TMEM254: variants seen among roughly 807,000 people sequenced by gnomAD.
TMEM254 encodes the protein transmembrane protein C10orf57.
A neutral mutation model predicts 13.9 loss-of-function variants in TMEM254; 16 were observed. That is an observed-to-expected ratio of 1.15 (90% confidence interval 0.78 to 1.75). The LOEUF is 1.75. TMEM254 is among the 40% of genes most tolerant of loss of function. The probability of loss-of-function intolerance (pLI) is 0.00; values close to 1 mark genes in which losing one functional copy is unlikely to be tolerated. For missense variants in TMEM254, 155 were observed against 149.0 expected (o/e 1.04, Z -0.21); for synonymous variants, 61 against 56.4 (o/e 1.08, Z -0.36).
chr10:80,081,652 A>G (rs1195690425), intron 1 of TMEM254, 189 bp from the exon 2 acceptor site: 2 of 1,540,914 alleles, frequency 1.3e-6, no homozygotes, highest in Admixed American at 2.0e-5. Context: ...CCAGCAGCGG[A>G]GTGAGACCCT....
At chr10:80,081,308 T>C (rs1348351453) in intron 1 of TMEM254, among the ~76,000 whole-genome samples, 1 of 151,918 alleles carries the variant, frequency 6.6e-6, no homozygotes. Context: ...TCATCCACCG[T>C]GGGCACTGAG....
intron 1 of TMEM254, chr10:80,079,602 G>A: frequency 2.0e-6 from 2 of 987,718 alleles, no homozygotes; most frequent in South Asian, 4.7e-5. Flanking sequence ...AGGTGTGGAA[G>A]CAAGAAGAAA....
At position 80,078,802 on chromosome 10, in the gene TMEM254, G is replaced by A; in HGVS notation, c.87+16G>A. 1 of 1,587,104 alleles carries A rather than the reference G, an allele frequency of 6.3e-7. No individual in the cohort carries two copies. The highest frequency in any genetic ancestry group is 2.3e-5 in the East Asian group (1 of 43,370). ...CTACTACACAGTAAGGACAGCCGCTGGAGCGCTACGGTCTGACGAACGAGC... is the reference window on the plus strand; with the variant it reads ...CTACTACACAGTAAGGACAGCCGCTAGAGCGCTACGGTCTGACGAACGAGC... On this transcript the variant is annotated intron_variant, in intron 1 of 3. Coordinates refer to ENST00000372281, the MANE Select transcript of TMEM254 (RefSeq NM_025125.4).
At chr10:80,080,930 A>G (rs571256310) in intron 1 of TMEM254, among the ~76,000 whole-genome samples, 17 of 152,288 alleles carry the variant, frequency 1.1e-4, no homozygotes, top group African/African-American at 3.6e-4. Flanking sequence ...AAATACAAAA[A>G]TTAGCTGGGC....
chr10:80,090,500 C>A, intron 3 of TMEM254: 1 of 712,086 alleles, frequency 1.4e-6, no homozygotes, highest in Non-Finnish European at 2.6e-6. Context: ...CATACCAGTG[C>A]TTTTTACTCC....
chr10:80,078,930 G>T (rs1414335469), intron 1 of TMEM254, 144 bp downstream of exon 1: 2 of 1,524,132 alleles, frequency 1.3e-6, no homozygotes, highest in African/African-American at 2.8e-5. Flanking sequence ...GAGGGGAGGG[G>T]ACCAGACTCC....
chr10:80,080,530 T>A (rs542411971), intron 1 of TMEM254, among the ~76,000 whole-genome samples: 1 of 152,240 alleles, frequency 6.6e-6, no homozygotes, highest in South Asian at 2.1e-4. Flanking sequence ...AAAGGAATTC[T>A]AAATTAAACA....
At position 80,091,406 on chromosome 10, in the gene TMEM254, A is replaced by C. The variant is rs986791771; in HGVS notation, c.*489A>C. On this transcript the variant is annotated 3_prime_UTR_variant, in exon 4 of 4. Coordinates refer to ENST00000372281, the MANE Select transcript of TMEM254 (RefSeq NM_025125.4). Reference sequence around the variant, plus strand: ...CACACACATTTATTAGGTACCTGTGAGGTAGGATCCTATCCTCTCAAACTT... The same window carrying C: ...CACACACATTTATTAGGTACCTGTGCGGTAGGATCCTATCCTCTCAAACTT... The C allele has an allele frequency of 6.6e-6, 1 of 152,476 alleles. No homozygotes were observed. Among genetic ancestry groups the C allele is most frequent in the Non-Finnish European group, 1.5e-5 (1 of 68,232 alleles). 9.4% of individuals were successfully genotyped at this position (152,476 alleles called of 1,614,324 possible). A position where few individuals can be genotyped will look rare whatever the true frequency, so the allele number is the denominator to read the frequency against.
intron 3 of TMEM254, among the ~76,000 whole-genome samples, chr10:80,087,337 G>A (rs1387358989): frequency 6.6e-6 from 1 of 152,064 alleles, no homozygotes; most frequent in African/African-American, 2.4e-5. Context: ...TCTGGAATTT[G>A]AAGATTAAAG....
intron 3 of TMEM254, among the ~76,000 whole-genome samples, chr10:80,087,861 T>C (rs1346084370): frequency 1.3e-5 from 2 of 152,204 alleles, no homozygotes; most frequent in Non-Finnish European, 2.9e-5. Context: ...TACTTTGTCC[T>C]TTAGGTGTCT....
At chr10:80,090,403 T>C (rs1164014925) in intron 3 of TMEM254, 3 of 717,512 alleles carry the variant, frequency 4.2e-6, no homozygotes, top group African/African-American at 3.5e-5. Context: ...TTCTGAGAGA[T>C]TCTGAGTGAT....
chr10:80,079,207 G>A, intron 1 of TMEM254: 2 of 1,279,202 alleles, frequency 1.6e-6, no homozygotes, highest in Non-Finnish European at 2.1e-6. Context: ...GTGGGGCGGG[G>A]CGGGCCTCTG....
intron 3 of TMEM254, among the ~76,000 whole-genome samples, chr10:80,083,406 A>G (rs1267153367): frequency 6.6e-6 from 1 of 152,162 alleles, no homozygotes; most frequent in African/African-American, 2.4e-5. Context: ...GTGCCTGGCC[A>G]CAAGCTAGAC....
chr10:80,090,752 G>A lies in TMEM254; in HGVS notation c.252-45G>A, dbSNP rs376598398. 9.3e-5 allele frequency: 148 copies of A among 1,583,700 alleles called. No homozygotes were observed. In the African/African-American group the frequency reaches 1.6e-3, roughly 17 times the overall value. On this transcript the variant is annotated intron_variant, in intron 3 of 3. Coordinates refer to ENST00000372281, the MANE Select transcript of TMEM254 (RefSeq NM_025125.4). ...AGAAGACAATAACTCCCATGAAACTGTAAGATTAACATCTCGTGTTTAAAT... is the reference window on the plus strand; with the variant it reads ...AGAAGACAATAACTCCCATGAAACTATAAGATTAACATCTCGTGTTTAAAT...
intron 3 of TMEM254, among the ~76,000 whole-genome samples, chr10:80,087,002 CTA>C (rs1289956926): frequency 1.3e-5 from 2 of 151,972 alleles, no homozygotes; most frequent in Non-Finnish European, 2.9e-5. Context: ...GGGTCTCACT[CTA>C]TTGCCCAGGC....
At chr10:80,080,671 G>T (rs929908189) in intron 1 of TMEM254, among the ~76,000 whole-genome samples, 3 of 152,148 alleles carry the variant, frequency 2.0e-5, no homozygotes, top group Admixed American at 1.3e-4. Context: ...AGGCATGGTG[G>T]TTCACCCCTG....
chr10:80,090,850 TC>T lies in TMEM254; in HGVS notation c.306del (p.Phe103SerfsTer4). ...RAQLLWFLQT[F>X]FFGIASLTIL... is the part of the protein sequence containing the mutation. ...CAGCTACTCTGGTTCCTACAGACTTTCTTCTTTGGGATAGCGTCTCTCACCA... is the reference window on the plus strand; with the variant it reads ...CAGCTACTCTGGTTCCTACAGACTTTTTCTTTGGGATAGCGTCTCTCACCA... On this transcript the variant is annotated frameshift_variant, in exon 4 of 4. Transcript: ENST00000372281. LOFTEE classifies it high-confidence loss of function. 6.2e-7 allele frequency: 1 copy of T among 1,614,162 alleles called. No homozygotes were observed. The highest frequency in any genetic ancestry group is 8.5e-7 in the Non-Finnish European group (1 of 1,180,032).
At chr10:80,083,194 C>T (rs879637731) in intron 3 of TMEM254, among the ~76,000 whole-genome samples, 2 of 146,706 alleles carry the variant, frequency 1.4e-5, no homozygotes, top group East Asian at 2.1e-4. Flanking sequence ...GCAATCTCTA[C>T]GTCCTGGGTT....
Position 80,080,605 on chromosome 10 carries a change from G to C in TMEM254, c.88-1236G>C, listed in dbSNP as rs916324068. Among the ~76,000 whole-genome samples, 3 of 152,158 alleles carry C rather than the reference G, an allele frequency of 2.0e-5. 1 individual carries two copies. The highest frequency in any genetic ancestry group is 4.8e-5 in the African/African-American group (2 of 41,434). On this transcript the variant is annotated intron_variant, in intron 1 of 3. Coordinates refer to ENST00000372281, the MANE Select transcript of TMEM254 (RefSeq NM_025125.4). ...GCCAAAGCACATAAACTCAAAATTT[G>C]CTAATATCTTTTATAAAATAATGGT...
Sources: gnomAD v4.1 joint callset for allele counts (sites outside exome capture counted in the v4.1 genomes callset) on GRCh38, gnomAD v4.1.1 for gene constraint, MANE v1.5 for transcripts, NCBI Gene and HGNC (gene_info 2026-07-23, HGNC 2026-07-21) for gene names.